STX7: variants seen among roughly 807,000 people sequenced by gnomAD.
STX7 encodes the protein syntaxin-7.
A neutral mutation model predicts 39.6 loss-of-function variants in STX7; 34 were observed. The observed-to-expected ratio is 0.86, with a 90% CI of 0.65 to 1.14. The LOEUF (loss-of-function observed/expected upper bound fraction) is 1.14. STX7 is among the 50% of genes most tolerant of loss of function. STX7 has a pLI of 0.00. For missense variants in STX7, 284 were observed against 310.4 expected (o/e 0.92, Z 0.64); for synonymous variants, 119 against 99.1 (o/e 1.20, Z -1.19).
In STX7 at chr6:132,465,359, C is replaced by A. The variant is rs915461493; in HGVS notation, c.611-1284G>T. On this transcript the variant is annotated intron_variant, in intron 8 of 9. Transcript: ENST00000367941. ...TTTTCAACTTTCATTGATCCTACCA[C>A]TTCTTCACTGTCCCTCACATATGGC... 1.3e-5 allele frequency among the ~76,000 whole-genome samples: 2 copies of A among 152,166 alleles called. 1 individual carries two copies. Among genetic ancestry groups the A allele is most frequent in the Admixed American group, 1.3e-4 (2 of 15,278 alleles).
chr6:132,462,579 AGG>A (rs1051050901), intron 9 of STX7, among the ~76,000 whole-genome samples: 3 of 116,474 alleles, frequency 2.6e-5, no homozygotes, highest in Non-Finnish European at 1.7e-5. Context: ...TGGCATTTGC[AGG>A]GGTGTGTGTG....
In STX7 at chr6:132,453,020, A is replaced by G. The variant is rs1774165762; in HGVS notation, c.*7738T>C. On this transcript the variant is annotated 3_prime_UTR_variant, in exon 10 of 10. Coordinates refer to ENST00000367941, the MANE Select transcript of STX7 (RefSeq NM_003569.3). The stretch of plus-strand genomic sequence containing the variant: ...GGTGTTGGTGGAGGTATAGACACAT[A>G]GTCTAATGGAAAAGAATAGAAAACC... 1 of 152,176 alleles carries G rather than the reference A, an allele frequency of 6.6e-6. No homozygotes were observed. Among genetic ancestry groups the G allele is most frequent in the African/African-American group, 2.4e-5 (1 of 41,450 alleles). The allele number at this position is 152,176 out of a possible 1,614,324, so 9.4% of individuals were successfully genotyped here.
rs1250058398 is a variant in STX7 at position 132,455,619 on chromosome 6, T to A, written c.*5139A>T. 1 of 152,150 alleles carries A rather than the reference T, an allele frequency of 6.6e-6. No individual in the cohort carries two copies. Among genetic ancestry groups the A allele is most frequent in the Non-Finnish European group, 1.5e-5 (1 of 68,022 alleles). The allele number at this position is 152,150 out of a possible 1,614,324, so 9.4% of individuals were successfully genotyped here. On this transcript the variant is annotated 3_prime_UTR_variant, in exon 10 of 10. Transcript: ENST00000367941. ...CATCACTACACAAAACCTACGGGAA[T>A]CCCACTCTAAGCAATTAAGTGACCA...
intron 8 of STX7, among the ~76,000 whole-genome samples, chr6:132,464,284 A>G (rs558442951): frequency 3.3e-5 from 5 of 152,332 alleles, no homozygotes; most frequent in African/African-American, 1.2e-4. Context: ...ACAATATAAG[A>G]GCATTTGTAT....
At chr6:132,468,908 T>C (rs1426445687) in intron 7 of STX7, among the ~76,000 whole-genome samples, 1 of 152,198 alleles carries the variant, frequency 6.6e-6, no homozygotes, top group Non-Finnish European at 1.5e-5. Context: ...AATAAAACAT[T>C]AGGTGTAAAT....
At chr6:132,464,131 A>T in intron 8 of STX7, 56 bp from the exon 9 acceptor site, 3 of 1,447,724 alleles carry the variant, frequency 2.1e-6, no homozygotes, top group Non-Finnish European at 2.9e-6. Context: ...ATGCTCCAGT[A>T]ACAAATCACT....
At position 132,509,564 on chromosome 6, in the gene STX7, C is replaced by A. The variant is rs191687902; in HGVS notation, c.-59+3443G>T. On this transcript the variant is annotated intron_variant, in intron 1 of 9. Transcript: ENST00000367941. ...ACCAAATTTACCACTTTTCTGCATG[C>A]CCCATATGAAGTTTTGCTATTCCCA... 3.5e-3 allele frequency among the ~76,000 whole-genome samples: 538 copies of A among 151,890 alleles called. 5 individuals carry two copies. The highest frequency in any genetic ancestry group is 0.012 in the African/African-American group (513 of 41,370).
intron 2 of STX7, among the ~76,000 whole-genome samples, chr6:132,491,793 G>A (rs969570555): frequency 1.3e-5 from 2 of 151,932 alleles, no homozygotes; most frequent in African/African-American, 2.4e-5. Context: ...ATCACCTCCT[G>A]CATGTCCAGC....
intron 9 of STX7, chr6:132,461,626 TGTTTCCAAAATACAATGATTTTGGAATGA>T (rs1315446313): frequency 1.8e-6 from 1 of 542,940 alleles, no homozygotes; most frequent in African/African-American, 1.9e-5. Context: ...ACATATTTCT[TGTTTCCAAAATACAATGATTTTGGAATGA>T]GTTTCCAAAA....
Position 132,453,050 on chromosome 6 carries a change from T to C in STX7, c.*7708A>G, listed in dbSNP as rs1774166791. 4 of 152,214 alleles carry C rather than the reference T, an allele frequency of 2.6e-5. No individual in the cohort carries two copies. The highest frequency in any genetic ancestry group is 2.6e-4 in the Admixed American group (4 of 15,282). The allele number at this position is 152,214 out of a possible 1,614,324, so 9.4% of individuals were successfully genotyped here. On this transcript the variant is annotated 3_prime_UTR_variant, in exon 10 of 10. Coordinates refer to ENST00000367941, the MANE Select transcript of STX7 (RefSeq NM_003569.3). Reference sequence around the variant, plus strand: ...AATGGAAAAGAATAGAAAACCCAGATATAGACCCACACGAATGTGCCCAAC... The same window carrying C: ...AATGGAAAAGAATAGAAAACCCAGACATAGACCCACACGAATGTGCCCAAC...
chr6:132,452,283 C>T lies in STX7; in HGVS notation c.*8475G>A, dbSNP rs1390202843. 1 of 152,098 alleles carries T rather than the reference C, an allele frequency of 6.6e-6. No individual in the cohort carries two copies. The highest frequency in any genetic ancestry group is 1.9e-4 in the East Asian group (1 of 5,196). The allele number at this position is 152,098 out of a possible 1,614,324, so 9.4% of individuals were successfully genotyped here. A position where few individuals can be genotyped will look rare whatever the true frequency, so the allele number is the denominator to read the frequency against. On this transcript the variant is annotated 3_prime_UTR_variant, in exon 10 of 10. Transcript: ENST00000367941. ...TTAAAAACCTACAGCTAACATTATACTTCATGGTGAAACACTGAATCCTTT... is the reference window on the plus strand; with the variant it reads ...TTAAAAACCTACAGCTAACATTATATTTCATGGTGAAACACTGAATCCTTT...
chr6:132,464,253 A>G (rs1277455391), intron 8 of STX7, among the ~76,000 whole-genome samples, 178 bp from the exon 9 acceptor site: 1 of 152,222 alleles, frequency 6.6e-6, no homozygotes, highest in Non-Finnish European at 1.5e-5. Flanking sequence ...ATACACCTAT[A>G]CTATTTTTCA....
At chr6:132,497,385 G>T (rs1775443270) in intron 2 of STX7, among the ~76,000 whole-genome samples, 1 of 152,226 alleles carries the variant, frequency 6.6e-6, no homozygotes, top group African/African-American at 2.4e-5. Flanking sequence ...AACAAAGTCA[G>T]GACACTGGTT....
In STX7 at chr6:132,455,930, AGAAACATTTCTTTATATG is replaced by A. The variant is rs1352770196; in HGVS notation, c.*4810_*4827del. Reference sequence around the variant, plus strand: ...GTAGGGTTAAATTAAAAACATTTTAAGAAACATTTCTTTATATGGAGCATACTTACTGTTTTTGCTTTG... The same window carrying A: ...GTAGGGTTAAATTAAAAACATTTTAAGAGCATACTTACTGTTTTTGCTTTG... On this transcript the variant is annotated 3_prime_UTR_variant, in exon 10 of 10. Transcript: ENST00000367941. 6.6e-6 allele frequency: 1 copy of A among 152,226 alleles called. No individual in the cohort carries two copies. The highest frequency in any genetic ancestry group is 2.4e-5 in the African/African-American group (1 of 41,460). 9.4% of individuals were successfully genotyped at this position (152,226 alleles called of 1,614,324 possible).
In STX7 at chr6:132,458,804, T is replaced by G. The variant is rs1036448794; in HGVS notation, c.*1954A>C. On this transcript the variant is annotated 3_prime_UTR_variant, in exon 10 of 10. Coordinates refer to ENST00000367941, the MANE Select transcript of STX7 (RefSeq NM_003569.3). ...TTAAACAAATTGAAGCCACTAAAGT[T>G]CCTGTTTAAACCACTGATAACTGCC... 1 of 152,156 alleles carries G rather than the reference T, an allele frequency of 6.6e-6. No homozygotes were observed. Among genetic ancestry groups the G allele is most frequent in the African/African-American group, 2.4e-5 (1 of 41,458 alleles). 9.4% of individuals were successfully genotyped at this position (152,156 alleles called of 1,614,324 possible). A position where few individuals can be genotyped will look rare whatever the true frequency, so the allele number is the denominator to read the frequency against.
At chr6:132,482,269 A>G (rs1166877508) in intron 2 of STX7, among the ~76,000 whole-genome samples, 1 of 152,178 alleles carries the variant, frequency 6.6e-6, no homozygotes, top group African/African-American at 2.4e-5. Context: ...GCACAGCGAG[A>G]GGGCTTCTGA....
chr6:132,470,132 T>G, intron 6 of STX7, 85 bp from the exon 7 acceptor site: 1 of 957,894 alleles, frequency 1.0e-6, no homozygotes, highest in Middle Eastern at 2.6e-4. Flanking sequence ...ATATATTCAT[T>G]AAATAGGATA....
chr6:132,487,787 A>G (rs1370862130), intron 2 of STX7, among the ~76,000 whole-genome samples: 4 of 152,180 alleles, frequency 2.6e-5, no homozygotes, highest in African/African-American at 9.7e-5. Flanking sequence ...CATTCCTGAT[A>G]TTAGTAATTT....
At chr6:132,481,273 G>T (rs1412723939) in intron 2 of STX7, among the ~76,000 whole-genome samples, 1 of 152,000 alleles carries the variant, frequency 6.6e-6, no homozygotes, top group Non-Finnish European at 1.5e-5. Flanking sequence ...ATTAGATTGG[G>T]ATCTTTTTGG....
Sources: gnomAD v4.1 joint callset for allele counts (sites outside exome capture counted in the v4.1 genomes callset) on GRCh38, gnomAD v4.1.1 for gene constraint, MANE v1.5 for transcripts, NCBI Gene and HGNC (gene_info 2026-07-23, HGNC 2026-07-21) for gene names.